RECK: variants seen among roughly 807,000 people sequenced by gnomAD.
The protein encoded by RECK is reversion inducing cysteine rich protein with kazal motifs, also known as reversion-inducing cysteine-rich protein with Kazal motifs.
A neutral mutation model predicts 115.1 loss-of-function variants in RECK; 69 were observed. That is an observed-to-expected ratio of 0.60 (90% CI 0.49 to 0.73). The LOEUF is 0.73. RECK is among the 30% of genes least tolerant of loss of function. The pLI, the probability that RECK is intolerant of heterozygous loss-of-function variation, is 0.00. For synonymous variants in RECK, 414 were observed against 419.7 expected (o/e 0.99, Z 0.17); for missense variants, 1,047 against 1,203.7 (o/e 0.87, Z 1.93).
At chr9:36,054,554 A>T (rs1042723012) in intron 2 of RECK, among the ~76,000 whole-genome samples, 9 of 151,318 alleles carry the variant, frequency 5.9e-5, no homozygotes, top group African/African-American at 2.2e-4. Flanking sequence ...ATCTCCCTGC[A>T]GCAGGGATTT....
intron 2 of RECK, among the ~76,000 whole-genome samples, chr9:36,056,242 T>TA (rs148338877): frequency 5.3e-5 from 8 of 150,418 alleles, no homozygotes; most frequent in South Asian, 4.2e-4. Context: ...ATATGTCATT[T>TA]AAAAAAAAAA....
At chr9:36,079,043 G>A (rs544988896) in intron 6 of RECK, among the ~76,000 whole-genome samples, 3 of 152,086 alleles carry the variant, frequency 2.0e-5, no homozygotes, top group African/African-American at 7.2e-5. Flanking sequence ...TTACAGGCAT[G>A]CACCACCACG....
chr9:36,095,946 G>A (rs1823317848), intron 10 of RECK, among the ~76,000 whole-genome samples: 1 of 151,178 alleles, frequency 6.6e-6, no homozygotes, highest in Admixed American at 6.6e-5. Context: ...CATGGTGGCG[G>A]GCACCTGTAA....
Position 36,036,932 on chromosome 9 carries a change from C to A in RECK, c.-67C>A. On this transcript the variant is annotated 5_prime_UTR_variant, in exon 1 of 21. Coordinates refer to ENST00000377966, the MANE Select transcript of RECK (RefSeq NM_021111.3). ...GGCCTCGCGCGAGCGGCGGCGGTAG[C>A]GGCGGCAGCGGCTGCGGCCAAGCTG... 1 of 1,074,462 alleles carries A rather than the reference C, an allele frequency of 9.3e-7. No individual in the cohort carries two copies. Among genetic ancestry groups the A allele is most frequent in the Non-Finnish European group, 1.2e-6 (1 of 830,730 alleles). The allele number at this position is 1,074,462 out of a possible 1,614,324, so 66.6% of individuals were successfully genotyped here.
In RECK at chr9:36,041,501, A is replaced by G. The variant is rs566966814; in HGVS notation, c.100+4403A>G. Among the ~76,000 whole-genome samples, 8 of 152,362 alleles carry G rather than the reference A, an allele frequency of 5.3e-5. No homozygotes were observed. The East Asian group carries it at 1.3e-3, about 26-fold the overall frequency. On this transcript the variant is annotated intron_variant, in intron 1 of 20. Transcript: ENST00000377966. Reference sequence around the variant, plus strand: ...TCATAATGATCAATGTCTAGGTTACAGCTCTTTTGACTCTAAGGAACAAAA... The same window carrying G: ...TCATAATGATCAATGTCTAGGTTACGGCTCTTTTGACTCTAAGGAACAAAA...
chr9:36,077,290 A>G (rs1182030034), intron 6 of RECK, among the ~76,000 whole-genome samples: 2 of 152,174 alleles, frequency 1.3e-5, no homozygotes, highest in Non-Finnish European at 2.9e-5. Context: ...GACTTTTGAA[A>G]GACTTAAAAA....
In RECK at chr9:36,110,119, A is replaced by G. The variant is rs1823983926; in HGVS notation, c.1888+40A>G. The G allele has an allele frequency of 2.6e-6, 4 of 1,567,232 alleles. No individual in the cohort carries two copies. In the East Asian group the frequency reaches 9.1e-5, roughly 36 times the overall value. On this transcript the variant is annotated intron_variant, in intron 15 of 20. Coordinates refer to ENST00000377966, the MANE Select transcript of RECK (RefSeq NM_021111.3). ...CCAGAGTCTGTCCTCAGGGGCCATCATTTCTTTGCACACATTTTTCCCTTC... is the reference window on the plus strand; with the variant it reads ...CCAGAGTCTGTCCTCAGGGGCCATCGTTTCTTTGCACACATTTTTCCCTTC...
intron 7 of RECK, among the ~76,000 whole-genome samples, chr9:36,081,949 T>G (rs926746929): frequency 6.6e-6 from 1 of 152,050 alleles, no homozygotes; most frequent in African/African-American, 2.4e-5. Flanking sequence ...TATGGAATAG[T>G]TTCCTGGTCT....
chr9:36,065,575 A>C lies in RECK; in HGVS notation c.358-2A>C. 1 of 1,582,710 alleles carries C rather than the reference A, an allele frequency of 6.3e-7. No homozygotes were observed. The highest frequency in any genetic ancestry group is 8.6e-7 in the Non-Finnish European group (1 of 1,167,234). ...TTAATGGAGAAATTTGTTGGTTTTT[A>C]GGCATCTTCAAAGAATGATATTTCC... On this transcript the variant is annotated splice_acceptor_variant, in intron 5 of 20. Transcript: ENST00000377966. LOFTEE classifies it high-confidence loss of function.
At position 36,112,428 on chromosome 9, in the gene RECK, G is replaced by T; in HGVS notation, c.2012G>T (p.Cys671Phe). 6.2e-7 allele frequency: 1 copy of T among 1,614,056 alleles called. No individual in the cohort carries two copies. The highest frequency in any genetic ancestry group is 1.7e-5 in the Admixed American group (1 of 60,018). The change falls in exon 16 of 21, where the codon TGC becomes TTC. Residue 671 changes from cysteine (C) to phenylalanine (F), a missense_variant. Coordinates refer to ENST00000377966, the MANE Select transcript of RECK (RefSeq NM_021111.3). ...LQDHQFEFGSCMSKDPCNPNP... is the reference protein window; with the variant it reads ...LQDHQFEFGSFMSKDPCNPNP... The stretch of plus-strand genomic sequence containing the variant: ...GACCATCAGTTTGAGTTTGGATCAT[G>T]CATGTCAAAGGATCCATGTAATCCT...
chr9:36,083,487 G>T lies in RECK; in HGVS notation c.562G>T (p.Ala188Ser). Residue 188 changes from alanine (A) to serine (S), a missense_variant, in exon 8 of 21, where the codon GCC becomes TCC. Ala to Ser is a moderately conservative substitution (Grantham distance 99). Transcript: ENST00000377966. Reference protein sequence around the residue: ...SQIKAVENYCASISPQLIHCV... With the variant: ...SQIKAVENYCSSISPQLIHCV... ...GATAAAAGCAGTGGAAAATTATTGC[G>T]CCTCTATTAGTCCACAATTAATACA... 1.2e-6 allele frequency: 2 copies of T among 1,613,928 alleles called. No homozygotes were observed. Among genetic ancestry groups the T allele is most frequent in the Non-Finnish European group, 8.5e-7 (1 of 1,179,946 alleles).
At chr9:36,038,002 TA>T (rs370999682) in intron 1 of RECK, among the ~76,000 whole-genome samples, 1,333 of 112,472 alleles carry the variant, frequency 0.012, 10 homozygotes, top group Middle Eastern at 0.019. Context: ...AGAGACACCT[TA>T]AAAAAAAAAA....
chr9:36,117,442 TA>T (rs1008403191), intron 17 of RECK, among the ~76,000 whole-genome samples: 15 of 152,268 alleles, frequency 9.9e-5, no homozygotes, highest in Middle Eastern at 3.4e-3. Flanking sequence ...GAAAAGAACT[TA>T]AAAGTTTCAC....
chr9:36,122,736 A>G, intron 20 of RECK, 88 bp from the exon 21 acceptor site: 1 of 1,014,620 alleles, frequency 9.9e-7, no homozygotes, highest in South Asian at 1.5e-5. Flanking sequence ...AGGCCACGCT[A>G]CTTTTAGGAT....
At chr9:36,072,604 AG>A (rs1254419373) in intron 6 of RECK, 1 of 152,244 alleles carries the variant, frequency 6.6e-6, no homozygotes, top group Non-Finnish European at 1.5e-5. Flanking sequence ...AAGAATTGCC[AG>A]GATATAGTAA....
chr9:36,039,449 T>A (rs1190311517), intron 1 of RECK, among the ~76,000 whole-genome samples: 6 of 152,232 alleles, frequency 3.9e-5, no homozygotes, highest in Non-Finnish European at 8.8e-5. Flanking sequence ...TCTGCTCTGG[T>A]ATAAGGCTTT....
At chr9:36,051,408 A>G (rs149500548) in intron 1 of RECK, among the ~76,000 whole-genome samples, 96 of 152,250 alleles carry the variant, frequency 6.3e-4, no homozygotes, top group Middle Eastern at 3.4e-3. Context: ...TTATGACTCT[A>G]TTTTTGATGT....
intron 8 of RECK, among the ~76,000 whole-genome samples, chr9:36,086,655 G>T (rs545567683): frequency 6.6e-6 from 1 of 152,244 alleles, no homozygotes. Context: ...CCGTTTTACA[G>T]AGTGCTGATT....
At chr9:36,059,985 CCTGTAGTT>C in intron 3 of RECK, 126 bp from the exon 4 acceptor site, 1 of 716,856 alleles carries the variant, frequency 1.4e-6, no homozygotes, top group Non-Finnish European at 2.4e-6. Flanking sequence ...GATTGATGTG[CCTGTAGTT>C]CTAGAACATT....
Sources: allele counts gnomAD v4.1 joint callset (sites outside exome capture counted in the v4.1 genomes callset), GRCh38; gene constraint gnomAD v4.1.1; transcripts MANE v1.5; gene names NCBI Gene and HGNC (gene_info 2026-07-23, HGNC 2026-07-21).